The following HIKESHI variants were observed in gnomAD, a reference collection of about 807,000 sequenced individuals.
HIKESHI encodes protein Hikeshi.
Under a neutral mutation model 25.7 loss-of-function variants are expected in HIKESHI, and 13 were observed. That is an observed-to-expected ratio of 0.51 (90% CI 0.33 to 0.80). The LOEUF is 0.80. HIKESHI is among the 30% of genes least tolerant of loss of function. The pLI, the probability that HIKESHI is intolerant of heterozygous loss-of-function variation, is 0.02. For synonymous variants in HIKESHI, 76 were observed against 78.7 expected (o/e 0.97, Z 0.18); for missense variants, 174 against 229.5 (o/e 0.76, Z 1.56).
chr11:86,323,896 CAGAGTA>C (rs1430012407), intron 2 of HIKESHI: 1 of 152,204 alleles, frequency 6.6e-6, no homozygotes, highest in East Asian at 1.9e-4. Flanking sequence ...AACTCAATCC[CAGAGTA>C]ATACTTGATC....
intron 2 of HIKESHI, among the ~76,000 whole-genome samples, chr11:86,309,269 C>G (rs750668856): frequency 6.6e-6 from 1 of 152,014 alleles, no homozygotes; most frequent in Non-Finnish European, 1.5e-5. Context: ...TTCTAACTGG[C>G]GTGAGATGGT....
chr11:86,340,605 T>TTTC (rs1947698565), intron 3 of HIKESHI, among the ~76,000 whole-genome samples: 2 of 152,356 alleles, frequency 1.3e-5, no homozygotes, highest in South Asian at 4.1e-4. Flanking sequence ...GGTTGTTTTT[T>TTTC]TCTTGCAAAT....
At chr11:86,325,821 G>T (rs559497466) in intron 2 of HIKESHI, among the ~76,000 whole-genome samples, 2 of 151,644 alleles carry the variant, frequency 1.3e-5, no homozygotes, top group Non-Finnish European at 2.9e-5. Context: ...GCAGTGAACC[G>T]AGATGGCACC....
chr11:86,307,843 ATATT>A (rs1946691682), intron 2 of HIKESHI, among the ~76,000 whole-genome samples: 2 of 121,276 alleles, frequency 1.6e-5, no homozygotes, highest in African/African-American at 3.4e-5. Context: ...ATATAAATAT[ATATT>A]ATGTGTAATA....
intron 3 of HIKESHI, chr11:86,344,310 C>G (rs1263818303): frequency 3.9e-6 from 1 of 258,744 alleles, no homozygotes; most frequent in African/African-American, 2.2e-5. Context: ...TATGATTACT[C>G]TTAACATTCT....
chr11:86,341,398 C>G (rs1947725960), intron 3 of HIKESHI, among the ~76,000 whole-genome samples: 1 of 151,606 alleles, frequency 6.6e-6, no homozygotes, highest in Non-Finnish European at 1.5e-5. Context: ...CTAATTTATG[C>G]TCAAACTCTA....
chr11:86,335,878 A>G (rs1398346256), intron 2 of HIKESHI, among the ~76,000 whole-genome samples: 1 of 152,248 alleles, frequency 6.6e-6, no homozygotes, highest in Non-Finnish European at 1.5e-5. Flanking sequence ...TCTACAAAAA[A>G]TTATGAAACA....
At chr11:86,336,814 T>A (rs1418179471) in intron 2 of HIKESHI, among the ~76,000 whole-genome samples, 1 of 151,992 alleles carries the variant, frequency 6.6e-6, no homozygotes, top group Non-Finnish European at 1.5e-5. Flanking sequence ...AGAGAGAATG[T>A]TGAAAGCATC....
At chr11:86,315,543 A>G (rs544236665) in intron 2 of HIKESHI, among the ~76,000 whole-genome samples, 1 of 152,090 alleles carries the variant, frequency 6.6e-6, no homozygotes, top group African/African-American at 2.4e-5. Context: ...CTGGTCTCGA[A>G]CTCCTGACCT....
At chr11:86,326,302 T>TAATA (rs1369126896) in intron 2 of HIKESHI, among the ~76,000 whole-genome samples, 2 of 151,964 alleles carry the variant, frequency 1.3e-5, no homozygotes, top group African/African-American at 4.8e-5. Context: ...CGTCTCAAAA[T>TAATA]AATAAATAAA....
At chr11:86,321,070 G>A (rs939575169) in intron 2 of HIKESHI, among the ~76,000 whole-genome samples, 5 of 151,834 alleles carry the variant, frequency 3.3e-5, no homozygotes, top group Admixed American at 3.3e-4. Context: ...GAGTAGCTGG[G>A]ATTATAGGCG....
chr11:86,323,601 G>C, intron 2 of HIKESHI, among the ~76,000 whole-genome samples: 1 of 152,172 alleles, frequency 6.6e-6, no homozygotes, highest in Non-Finnish European at 1.5e-5. Flanking sequence ...TTTTGAATTT[G>C]GAATGGGGCA....
intron 2 of HIKESHI, among the ~76,000 whole-genome samples, chr11:86,319,240 A>C (rs190806958): frequency 1.1e-5 from 1 of 92,984 alleles, no homozygotes; most frequent in Non-Finnish European, 2.0e-5. Flanking sequence ...ATATATATAT[A>C]TATTTTTTTT....
chr11:86,341,422 C>T (rs1456053207), intron 3 of HIKESHI, among the ~76,000 whole-genome samples: 1 of 151,370 alleles, frequency 6.6e-6, no homozygotes, highest in South Asian at 2.1e-4. Flanking sequence ...AGTGTAAATT[C>T]TCATTCAGTT....
At chr11:86,316,083 C>T (rs1218134219) in intron 2 of HIKESHI, among the ~76,000 whole-genome samples, 1 of 137,808 alleles carries the variant, frequency 7.3e-6, no homozygotes, top group Non-Finnish European at 1.5e-5. Flanking sequence ...AGTCCAAGAC[C>T]AGATTGGGCA....
intron 2 of HIKESHI, among the ~76,000 whole-genome samples, chr11:86,330,577 C>G (rs930688665): frequency 6.6e-6 from 1 of 152,152 alleles, no homozygotes; most frequent in Non-Finnish European, 1.5e-5. Context: ...TTGATTTAAT[C>G]TGGTCCAGAG....
intron 2 of HIKESHI, among the ~76,000 whole-genome samples, chr11:86,336,232 T>G (rs1318504609): frequency 1.3e-5 from 2 of 152,180 alleles, no homozygotes; most frequent in Admixed American, 1.3e-4. Context: ...CACCCTCAAG[T>G]GCACCAACAT....
At chr11:86,306,209 G>C (rs951841906) in intron 1 of HIKESHI, 36 bp from the exon 2 acceptor site, 2 of 1,387,124 alleles carry the variant, frequency 1.4e-6, no homozygotes, top group African/African-American at 2.9e-5. Flanking sequence ...GAAACTCATA[G>C]AACCATTGAA....
At chr11:86,322,139 G>A (rs994398433) in intron 2 of HIKESHI, among the ~76,000 whole-genome samples, 3 of 151,592 alleles carry the variant, frequency 2.0e-5, no homozygotes, top group Admixed American at 6.6e-5. Flanking sequence ...GGTGAGCACC[G>A]CCACACCCTG....
Sources: allele counts gnomAD v4.1 joint callset (sites outside exome capture counted in the v4.1 genomes callset), GRCh38; gene constraint gnomAD v4.1.1; transcripts MANE v1.5; gene names NCBI Gene and HGNC (gene_info 2026-07-23, HGNC 2026-07-21).